ABLIM2: variants seen among roughly 807,000 people sequenced by gnomAD.
ABLIM2 encodes actin-binding LIM protein 2.
In ABLIM2, 53 loss-of-function variants were observed where a neutral mutation model predicts 97.7. The observed-to-expected ratio is 0.54, with a 90% CI of 0.44 to 0.68. The LOEUF (loss-of-function observed/expected upper bound fraction) is 0.68. Ranked by LOEUF, ABLIM2 falls within the 30% of genes least tolerant of loss-of-function variation. The pLI, the probability that ABLIM2 is intolerant of heterozygous loss-of-function variation, is 0.00. For missense variants in ABLIM2, 835 were observed against 867.2 expected, an observed-to-expected ratio of 0.96 and a Z score of 0.47; for synonymous variants, 361 against 345.8, an observed-to-expected ratio of 1.04 and a Z score of -0.49.
intron 11 of ABLIM2, 65 bp downstream of exon 11, chr4:8,029,586 TAAAAA>T (rs758188738): frequency 7.6e-6 from 8 of 1,049,976 alleles, no homozygotes; most frequent in East Asian, 3.9e-5. Context: ...AAAAAAAAAC[TAAAAA>T]AAAAAAAAAA....
Position 8,005,972 on chromosome 4 carries a change from G to A in ABLIM2, c.1618+2087C>T, listed in dbSNP as rs899829040. Among the ~76,000 whole-genome samples the A allele has an allele frequency of 1.3e-5, 2 of 152,218 alleles. No homozygotes were observed. Among genetic ancestry groups the A allele is most frequent in the African/African-American group, 2.4e-5 (1 of 41,458 alleles). ...CAGGATGGAGGCAGCCGCAGCCTGCGTGCATCTGCACAGGCAGCCTGGGAG... is the reference window on the plus strand; with the variant it reads ...CAGGATGGAGGCAGCCGCAGCCTGCATGCATCTGCACAGGCAGCCTGGGAG... On this transcript the variant is annotated intron_variant, in intron 16 of 20. Coordinates refer to ENST00000447017, the MANE Select transcript of ABLIM2 (RefSeq NM_001130083.2). This position sits in a 1 kb window ranked among gnomAD's most constrained non-coding sequence, Gnocchi z 4.9.
intron 8 of ABLIM2, among the ~76,000 whole-genome samples, chr4:8,050,487 G>A (rs73074033): frequency 0.045 from 6,810 of 152,242 alleles, 403 homozygotes; most frequent in African/African-American, 0.14. Context: ...TGAGGGTCCT[G>A]GAGTCCCCCA....
intron 14 of ABLIM2, among the ~76,000 whole-genome samples, chr4:8,018,808 T>C (rs553819499): frequency 6.6e-6 from 1 of 152,342 alleles, no homozygotes; most frequent in African/African-American, 2.4e-5. Flanking sequence ...CTTGATACAA[T>C]TCCCATCATG....
chr4:8,091,542 AT>A (rs1415094916), intron 3 of ABLIM2, among the ~76,000 whole-genome samples: 2 of 27,204 alleles, frequency 7.4e-5, no homozygotes, highest in African/African-American at 6.3e-4. Flanking sequence ...AAAATTATAT[AT>A]AATATTTATA....
In ABLIM2 at chr4:8,029,523, A is replaced by G. The variant is rs369240987; in HGVS notation, c.1168+133T>C. The G allele has an allele frequency of 3.2e-4, 384 of 1,182,618 alleles. 2 individuals carry two copies. In the South Asian group the frequency reaches 6.8e-3, roughly 21 times the overall value. 73.3% of individuals were successfully genotyped at this position (1,182,618 alleles called of 1,614,324 possible). On this transcript the variant is annotated intron_variant, in intron 11 of 20. Transcript: ENST00000447017. ...CAGCCACCCACCCGCTGGCAATCCC[A>G]CCCATTTCCATCATATTTCCAGTTG...
At position 7,983,323 on chromosome 4, in the gene ABLIM2, T is replaced by C. The variant is rs778095749; in HGVS notation, c.1765A>G (p.Ile589Val). 6.2e-7 allele frequency: 1 copy of C among 1,612,372 alleles called. No homozygotes were observed. The highest frequency in any genetic ancestry group is 8.5e-7 in the Non-Finnish European group (1 of 1,179,474). The change falls in exon 20 of 21, where the codon ATC becomes GTC. Residue 589 changes from isoleucine to valine, a missense_variant. By Grantham distance (29) the Ile-to-Val change is conservative. Coordinates refer to ENST00000447017, the MANE Select transcript of ABLIM2 (RefSeq NM_001130083.2). The part of the protein sequence containing the change: ...EYKIYPYDSL[I>V]VTNRIRVKLP... ...TTCACGCGAATTCGGTTTGTGACGA[T>C]GAGGGAGTCATACGGATAGATCTGT... is the stretch of plus-strand genomic sequence containing the variant.
At position 8,155,113 on chromosome 4, in the gene ABLIM2, A is replaced by T. The variant is rs978541802; in HGVS notation, c.10+3567T>A. On this transcript the variant is annotated intron_variant, in intron 1 of 20. Coordinates refer to ENST00000447017, the MANE Select transcript of ABLIM2 (RefSeq NM_001130083.2). This position sits in a 1 kb window ranked among gnomAD's most constrained non-coding sequence, Gnocchi z 4.2. Reference sequence around the variant, plus strand: ...CTCAAGGTAAGATGTGGGTGGGGACACAGCCAGACCGTATCAGCTCATAGT... The same window carrying T: ...CTCAAGGTAAGATGTGGGTGGGGACTCAGCCAGACCGTATCAGCTCATAGT... Among the ~76,000 whole-genome samples, 2 of 152,254 alleles carry T rather than the reference A, an allele frequency of 1.3e-5. No homozygotes were observed. Among genetic ancestry groups the T allele is most frequent in the East Asian group, 3.8e-4 (2 of 5,202 alleles).
rs1307911584 is a variant in ABLIM2, at chr4:8,069,873, G to A, written c.675+7755C>T. ...GTGTTTTCTGTGTGTCTGCGTTGTC[G>A]ATGTCTGTGTCCCTGTGTTTATGTT... On this transcript the variant is annotated intron_variant, in intron 6 of 20. Coordinates refer to ENST00000447017, the MANE Select transcript of ABLIM2 (RefSeq NM_001130083.2). The surrounding 1 kb of genome is among the most constrained non-coding windows in gnomAD (Gnocchi z 4.2). Among the ~76,000 whole-genome samples, 3 of 152,044 alleles carry A rather than the reference G, an allele frequency of 2.0e-5. No homozygotes were observed. Among genetic ancestry groups the A allele is most frequent in the East Asian group, 3.9e-4 (2 of 5,168 alleles).
intron 1 of ABLIM2, among the ~76,000 whole-genome samples, chr4:8,131,075 C>T (rs897801768): frequency 2.0e-5 from 3 of 152,202 alleles, no homozygotes; most frequent in Admixed American, 2.0e-4. Context: ...TGTGATGGCA[C>T]TGAGGGCCCA....
Position 8,143,319 on chromosome 4 carries a change from C to T in ABLIM2, c.10+15361G>A, listed in dbSNP as rs372460452. 2.4e-4 allele frequency among the ~76,000 whole-genome samples: 37 copies of T among 152,228 alleles called. No individual in the cohort carries two copies. In the East Asian group the frequency reaches 4.3e-3, roughly 18 times the overall value. On this transcript the variant is annotated intron_variant, in intron 1 of 20. Coordinates refer to ENST00000447017, the MANE Select transcript of ABLIM2 (RefSeq NM_001130083.2). ...GACACTGACTCCCAGGCCCCCAAGG[C>T]TGGGTTCCCTACACTGTCACTGAGC...
Position 7,999,788 on chromosome 4 carries a change from G to A in ABLIM2, c.1619-6861C>T, listed in dbSNP as rs3814062. Among the ~76,000 whole-genome samples the A allele has an allele frequency of 0.65, 99,238 of 152,006 alleles. 33,364 individuals carry two copies. Among genetic ancestry groups the A allele is most frequent in the African/African-American group, 0.83 (34,406 of 41,494 alleles). Reference sequence around the variant, plus strand: ...CAGAGGCCTACCCACTCCATGCCCAGGCTCAGCCAAACCAGGCTCCTGGCC... The same window carrying A: ...CAGAGGCCTACCCACTCCATGCCCAAGCTCAGCCAAACCAGGCTCCTGGCC... On this transcript the variant is annotated intron_variant, in intron 16 of 20. Coordinates refer to ENST00000447017, the MANE Select transcript of ABLIM2 (RefSeq NM_001130083.2). This position sits in a 1 kb window ranked among gnomAD's most constrained non-coding sequence, Gnocchi z 4.4.
rs920176691 is a variant in ABLIM2 at position 8,046,584 on chromosome 4, C to T, written c.823-1343G>A. On this transcript the variant is annotated intron_variant, in intron 8 of 20. Transcript: ENST00000447017. This position sits in a 1 kb window ranked among gnomAD's most constrained non-coding sequence, Gnocchi z 4.4. The stretch of plus-strand genomic sequence containing the variant: ...CACTGCAGCTCCCTCCTCTCATTTT[C>T]TGAGTAGACCCTTTTCTTGCCACCC... Among the ~76,000 whole-genome samples the T allele has an allele frequency of 3.3e-5, 5 of 152,236 alleles. No homozygotes were observed. Among genetic ancestry groups the T allele is most frequent in the Admixed American group, 2.6e-4 (4 of 15,298 alleles).
In ABLIM2 at chr4:8,067,935, G is replaced by A. The variant is rs1809083366; in HGVS notation, c.676-6881C>T. Among the ~76,000 whole-genome samples, 2 of 152,196 alleles carry A rather than the reference G, an allele frequency of 1.3e-5. No individual in the cohort carries two copies. The highest frequency in any genetic ancestry group is 4.8e-5 in the African/African-American group (2 of 41,448). On this transcript the variant is annotated intron_variant, in intron 6 of 20. Coordinates refer to ENST00000447017, the MANE Select transcript of ABLIM2 (RefSeq NM_001130083.2). The surrounding 1 kb of genome is among the most constrained non-coding windows in gnomAD (Gnocchi z 5.4). Reference sequence around the variant, plus strand: ...AGCTGGAAGGTACCGGCATGGCACAGGTCACCCCCTCCCTACCCCATACTT... The same window carrying A: ...AGCTGGAAGGTACCGGCATGGCACAAGTCACCCCCTCCCTACCCCATACTT...
chr4:8,084,491 C>T (rs970848274), intron 4 of ABLIM2, among the ~76,000 whole-genome samples: 1 of 152,228 alleles, frequency 6.6e-6, no homozygotes, highest in Non-Finnish European at 1.5e-5. Context: ...GCAAAGGACA[C>T]AGGGGCTCCA....
intron 16 of ABLIM2, chr4:8,006,929 G>C: frequency 1.4e-6 from 1 of 733,390 alleles, no homozygotes; most frequent in Non-Finnish European, 1.7e-6. Context: ...TGAATGCTGG[G>C]ATCCTGGTAT....
chr4:8,158,264 G>C (rs986821122), intron 1 of ABLIM2, among the ~76,000 whole-genome samples: 1 of 152,216 alleles, frequency 6.6e-6, no homozygotes, highest in Non-Finnish European at 1.5e-5. Context: ...GGCGCCCCCA[G>C]CTGCAAAGCC....
chr4:8,045,108 C>G, intron 9 of ABLIM2, 56 bp downstream of exon 9: 1 of 1,520,662 alleles, frequency 6.6e-7, no homozygotes, highest in Non-Finnish European at 9.1e-7. Context: ...GGCCACCGGG[C>G]CCCCCTTCTC....
chr4:8,000,315 G>T (rs1302192723), intron 16 of ABLIM2, among the ~76,000 whole-genome samples: 1 of 152,110 alleles, frequency 6.6e-6, no homozygotes, highest in African/African-American at 2.4e-5. Flanking sequence ...CTCAGAGTCA[G>T]GCCACAGGAT....
In ABLIM2 at chr4:8,122,940, G is replaced by C. The variant is rs1846145079; in HGVS notation, c.11-16303C>G. Among the ~76,000 whole-genome samples, 1 of 152,128 alleles carries C rather than the reference G, an allele frequency of 6.6e-6. No individual in the cohort carries two copies. Among genetic ancestry groups the C allele is most frequent in the African/African-American group, 2.4e-5 (1 of 41,420 alleles). ...GAGGGGCGAACCAGCCCTAGGGGTG[G>C]CAAATCTGTCTGGGACCTGACCAGT... is the stretch of plus-strand genomic sequence containing the variant. On this transcript the variant is annotated intron_variant, in intron 1 of 20. Transcript: ENST00000447017. This position sits in a 1 kb window ranked among gnomAD's most constrained non-coding sequence, Gnocchi z 4.1.
Sources: gnomAD v4.1 joint callset for allele counts (sites outside exome capture counted in the v4.1 genomes callset) on GRCh38, gnomAD v4.1.1 for gene constraint, Gnocchi (gnomAD v3.1) non-coding constraint, MANE v1.5 for transcripts, NCBI Gene and HGNC (gene_info 2026-07-23, HGNC 2026-07-21) for gene names.